Variants in LDB2 observed in about 807,000 individuals in gnomAD.
LDB2 encodes LIM domain-binding protein 2.
In LDB2, 12 loss-of-function variants were observed where a neutral mutation model predicts 44.3. The observed-to-expected ratio is 0.27, with a 90% CI of 0.17 to 0.44. The LOEUF (loss-of-function observed/expected upper bound fraction) is 0.44, where lower values mean the gene tolerates loss of function less well. Ranked by LOEUF, LDB2 falls within the 20% of genes least tolerant of loss-of-function variation. LDB2 has a pLI of 1.00. For synonymous variants in LDB2, 164 were observed against 174.8 expected (o/e 0.94, Z 0.49); for missense variants, 344 against 473.5 (o/e 0.73, Z 2.54).
At chr4:16,703,851 T>C (rs1754022010) in intron 2 of LDB2, among the ~76,000 whole-genome samples, 1 of 152,220 alleles carries the variant, frequency 6.6e-6, no homozygotes, top group South Asian at 2.1e-4. Flanking sequence ...ATAATTTATG[T>C]GCAGTATTCC....
intron 2 of LDB2, among the ~76,000 whole-genome samples, chr4:16,755,528 T>TGTGTGTGTGTGTGA (rs1561114447): frequency 7.4e-6 from 1 of 134,970 alleles, no homozygotes; most frequent in African/African-American, 2.7e-5. Context: ...TGTGTGTATG[T>TGTGTGTGTGTGTGA]GAGAGAGAGA....
intron 2 of LDB2, among the ~76,000 whole-genome samples, chr4:16,609,316 T>A (rs1175442328): frequency 7.5e-6 from 1 of 132,626 alleles, no homozygotes; most frequent in African/African-American, 3.0e-5. Flanking sequence ...TCAGCTGGAA[T>A]CTGCTTAAGC....
At chr4:16,843,190 T>A (rs1786238368) in intron 1 of LDB2, among the ~76,000 whole-genome samples, 1 of 152,242 alleles carries the variant, frequency 6.6e-6, no homozygotes, top group Admixed American at 6.5e-5. Flanking sequence ...GAATTTATTA[T>A]AAGTAATCAT....
intron 1 of LDB2, among the ~76,000 whole-genome samples, chr4:16,803,035 A>T (rs1778150168): frequency 6.6e-6 from 1 of 152,192 alleles, no homozygotes; most frequent in Admixed American, 6.5e-5. Context: ...GGCTTAGAAG[A>T]AAGGCTACAG....
chr4:16,557,502 G>T (rs1208339273), intron 5 of LDB2, among the ~76,000 whole-genome samples: 1 of 152,246 alleles, frequency 6.6e-6, no homozygotes, highest in East Asian at 1.9e-4. Flanking sequence ...CGGCAGCGAG[G>T]CTGGGGGAGG....
chr4:16,566,275 A>T (rs1744491269), intron 5 of LDB2, among the ~76,000 whole-genome samples: 1 of 152,140 alleles, frequency 6.6e-6, no homozygotes, highest in Non-Finnish European at 1.5e-5. Context: ...ATGCTAACAT[A>T]TATTATAAAG....
intron 5 of LDB2, among the ~76,000 whole-genome samples, chr4:16,524,172 A>AG (rs1727327005): frequency 6.6e-6 from 1 of 152,224 alleles, no homozygotes; most frequent in Non-Finnish European, 1.5e-5. Flanking sequence ...TCAAGCATGT[A>AG]TCACATAGTA....
intron 1 of LDB2, among the ~76,000 whole-genome samples, chr4:16,838,651 G>C (rs1158443183): frequency 6.6e-6 from 1 of 152,144 alleles, no homozygotes; most frequent in Non-Finnish European, 1.5e-5. Flanking sequence ...TTGCTTTGGA[G>C]CTCCCAACAC....
intron 2 of LDB2, among the ~76,000 whole-genome samples, chr4:16,724,667 T>G (rs1759046852): frequency 6.6e-6 from 1 of 152,170 alleles, no homozygotes; most frequent in Admixed American, 6.6e-5. Flanking sequence ...GTCAATACTT[T>G]TCAGGTACCC....
chr4:16,840,281 T>C (rs967109908), intron 1 of LDB2, among the ~76,000 whole-genome samples: 1 of 152,208 alleles, frequency 6.6e-6, no homozygotes, highest in Non-Finnish European at 1.5e-5. Context: ...CAGATGAAAA[T>C]GACTTTGAGT....
chr4:16,601,767 C>T (rs1177155113), intron 2 of LDB2, among the ~76,000 whole-genome samples: 1 of 152,030 alleles, frequency 6.6e-6, no homozygotes, highest in African/African-American at 2.4e-5. Flanking sequence ...ATAATAAACA[C>T]CAAGAGTCAT....
intron 3 of LDB2, among the ~76,000 whole-genome samples, chr4:16,593,910 A>G (rs994556270): frequency 1.3e-5 from 2 of 152,250 alleles, no homozygotes; most frequent in African/African-American, 2.4e-5. Flanking sequence ...ACAAGTCCCA[A>G]ATGTTCAGCA....
chr4:16,808,225 A>C (rs1438687718), intron 1 of LDB2, among the ~76,000 whole-genome samples: 2 of 152,208 alleles, frequency 1.3e-5, no homozygotes, highest in African/African-American at 4.8e-5. Context: ...TGCCAGGAGG[A>C]GCTTCTCATT....
At chr4:16,640,061 C>T (rs1314245692) in intron 2 of LDB2, among the ~76,000 whole-genome samples, 1 of 152,222 alleles carries the variant, frequency 6.6e-6, no homozygotes, top group Non-Finnish European at 1.5e-5. Flanking sequence ...ATTTGCTAAA[C>T]ATCTACTCTG....
chr4:16,661,218 CA>C (rs1370192498), intron 2 of LDB2, among the ~76,000 whole-genome samples: 1 of 152,162 alleles, frequency 6.6e-6, no homozygotes, highest in African/African-American at 2.4e-5. Context: ...CACTGCTAGA[CA>C]GTGAAATCAA....
rs71589671 is a variant in LDB2 at position 16,592,465 on chromosome 4, CATATATATATATATAT to C, written c.408+3222_408+3237del. ...AACGCATTCATATGCATTATACATA[CATATATATATATATAT>C]ATATATATATATATATATATATATA... On this transcript the variant is annotated intron_variant, in intron 3 of 7. Transcript: ENST00000304523. Among the ~76,000 whole-genome samples, 17 of 116,598 alleles carry C rather than the reference CATATATATATATATAT, an allele frequency of 1.5e-4. 1 individual carries two copies. The highest frequency in any genetic ancestry group is 4.3e-4 in the African/African-American group (12 of 28,096). 76.5% of individuals were successfully genotyped at this position (116,598 alleles called of 152,430 possible). A position where few individuals can be genotyped will look rare whatever the true frequency, so the allele number is the denominator to read the frequency against.
chr4:16,820,506 G>A (rs1781748108), intron 1 of LDB2, among the ~76,000 whole-genome samples: 1 of 152,176 alleles, frequency 6.6e-6, no homozygotes, highest in Non-Finnish European at 1.5e-5. Context: ...TGCAGGTCAA[G>A]GGAACATCGA....
chr4:16,743,329 A>G (rs1182502764), intron 2 of LDB2, among the ~76,000 whole-genome samples: 3 of 152,020 alleles, frequency 2.0e-5, no homozygotes, highest in Admixed American at 2.0e-4. Context: ...TTATAATATA[A>G]TTATGTATCT....
intron 1 of LDB2, among the ~76,000 whole-genome samples, chr4:16,816,003 T>C (rs1411274012): frequency 2.0e-5 from 3 of 152,140 alleles, no homozygotes; most frequent in Non-Finnish European, 2.9e-5. Context: ...AGGTCAGAAG[T>C]TCGAGACCAG....
Sources: gnomAD v4.1 joint callset for allele counts (sites outside exome capture counted in the v4.1 genomes callset) on GRCh38, gnomAD v4.1.1 for gene constraint, MANE v1.5 for transcripts, NCBI Gene and HGNC (gene_info 2026-07-23, HGNC 2026-07-21) for gene names.